ZNF704: variants seen among roughly 807,000 people sequenced by gnomAD.
ZNF704 encodes zinc finger protein 704.
In ZNF704, 10 loss-of-function variants were observed where a neutral mutation model predicts 44.7. The ratio of observed to expected loss-of-function variants is 0.22; its 90% CI spans 0.14 to 0.38. ZNF704 has a LOEUF of 0.38. Ranked by LOEUF, ZNF704 falls within the 10% of genes least tolerant of loss-of-function variation. The probability of loss-of-function intolerance (pLI) is 1.00; values close to 1 mark genes in which losing one functional copy is unlikely to be tolerated. For synonymous variants in ZNF704, 211 were observed against 207.6 expected (o/e 1.02, Z -0.14); for missense variants, 390 against 545.5 (o/e 0.71, Z 2.84).
intron 2 of ZNF704, among the ~76,000 whole-genome samples, chr8:80,816,064 C>T (rs1808172394): frequency 6.6e-6 from 1 of 152,194 alleles, no homozygotes; most frequent in Non-Finnish European, 1.5e-5. Context: ...GTTCTTACAA[C>T]CAAGAAGCCT....
At chr8:80,728,360 T>C (rs7010512) in intron 2 of ZNF704, among the ~76,000 whole-genome samples, 4,904 of 152,276 alleles carry the variant, frequency 0.032, 265 homozygotes, top group African/African-American at 0.11. Context: ...CATGGCAATG[T>C]TTAATAACTC....
chr8:80,698,464 G>A (rs1818759284), intron 2 of ZNF704, among the ~76,000 whole-genome samples: 3 of 152,128 alleles, frequency 2.0e-5, no homozygotes, highest in Admixed American at 2.0e-4. Flanking sequence ...GCAGCCCAGG[G>A]AGGGCCTTCC....
rs1009694418 is a variant in ZNF704, at chr8:80,842,762, A to C, written c.-21-21147T>G. Among the ~76,000 whole-genome samples the C allele has an allele frequency of 2.0e-5, 3 of 152,298 alleles. No homozygotes were observed. In the South Asian group the frequency reaches 6.2e-4, roughly 32 times the overall value. ...ATTATACTTCCTTAGCTCAAACCAC[A>C]CTCAAGAAAGCACAGGAAATCAGAA... On this transcript the variant is annotated intron_variant, in intron 1 of 8. Transcript: ENST00000327835.
intron 4 of ZNF704, among the ~76,000 whole-genome samples, chr8:80,675,938 G>A (rs544547571): frequency 2.6e-4 from 40 of 152,226 alleles, no homozygotes; most frequent in Admixed American, 2.6e-3. Flanking sequence ...GATGATTAGG[G>A]TGCACTGCAG....
At chr8:80,683,962 GATAT>G (rs1818494899) in intron 4 of ZNF704, among the ~76,000 whole-genome samples, 1 of 152,214 alleles carries the variant, frequency 6.6e-6, no homozygotes, top group Non-Finnish European at 1.5e-5. Context: ...TTCATAGTCA[GATAT>G]AGGCAATGCT....
chr8:80,720,751 G>A (rs1282686656), intron 2 of ZNF704, among the ~76,000 whole-genome samples: 1 of 152,086 alleles, frequency 6.6e-6, no homozygotes, highest in Non-Finnish European at 1.5e-5. Context: ...CATCTCAGAG[G>A]GAAAACTCAG....
At chr8:80,687,669 A>G (rs1275302404) in intron 3 of ZNF704, among the ~76,000 whole-genome samples, 1 of 152,156 alleles carries the variant, frequency 6.6e-6, no homozygotes, top group Non-Finnish European at 1.5e-5. Context: ...TTTTAACCTC[A>G]TGATAATAGG....
intron 2 of ZNF704, among the ~76,000 whole-genome samples, chr8:80,819,477 G>A (rs1808229677): frequency 6.6e-6 from 1 of 150,736 alleles, no homozygotes; most frequent in African/African-American, 2.4e-5. Flanking sequence ...ATTTTATGTA[G>A]AATAAGTCCT....
At chr8:80,808,301 C>G (rs1410612363) in intron 2 of ZNF704, among the ~76,000 whole-genome samples, 1 of 152,172 alleles carries the variant, frequency 6.6e-6, no homozygotes. Context: ...AGTTGTAGAT[C>G]TTACTATACT....
intron 8 of ZNF704, among the ~76,000 whole-genome samples, chr8:80,642,800 TAAAACAAAAACA>T (rs1297585823): frequency 6.6e-6 from 1 of 152,074 alleles, no homozygotes. Context: ...ACCTATTCTG[TAAAACAAAAACA>T]AAAACAAAAA....
Position 80,686,295 on chromosome 8 carries a change from A to T in ZNF704, c.558+931T>A, listed in dbSNP as rs543826905. Among the ~76,000 whole-genome samples the T allele has an allele frequency of 4.6e-5, 7 of 152,336 alleles. No homozygotes were observed. In the East Asian group the frequency reaches 7.7e-4, roughly 17 times the overall value. ...ACAAGATGGAAATGCAAAACTTACC[A>T]TATAGGACTGCTGGGAGGATTAAAC... On this transcript the variant is annotated intron_variant, in intron 4 of 8. Transcript: ENST00000327835.
intron 2 of ZNF704, among the ~76,000 whole-genome samples, chr8:80,770,122 A>T (rs565281278): frequency 6.6e-6 from 1 of 152,188 alleles, no homozygotes; most frequent in Admixed American, 6.5e-5. Context: ...TGATTCAATT[A>T]CCTCTCACCA....
chr8:80,731,023 A>G (rs1364657275), intron 2 of ZNF704, among the ~76,000 whole-genome samples: 1 of 152,236 alleles, frequency 6.6e-6, no homozygotes, highest in Non-Finnish European at 1.5e-5. Flanking sequence ...CACCCGTCTA[A>G]GAGATAATGG....
rs1817682121 is a variant in ZNF704, at chr8:80,637,595, A to G, written c.*3771T>C. 1 of 152,234 alleles carries G rather than the reference A, an allele frequency of 6.6e-6. No homozygotes were observed. 9.4% of individuals were successfully genotyped at this position (152,234 alleles called of 1,614,324 possible). On this transcript the variant is annotated 3_prime_UTR_variant, in exon 9 of 9. Transcript: ENST00000327835. ...TTCAGTTTCAAAAATCTTTTGCAAC[A>G]TATACACATGTGACTATCTCTTTGA...
At chr8:80,691,823 T>C (rs540034378) in intron 3 of ZNF704, among the ~76,000 whole-genome samples, 1 of 152,298 alleles carries the variant, frequency 6.6e-6, no homozygotes, top group South Asian at 2.1e-4. Context: ...ACCAAACATT[T>C]GCCAATACAT....
intron 7 of ZNF704, among the ~76,000 whole-genome samples, chr8:80,657,049 C>A (rs1297219139): frequency 6.6e-6 from 1 of 152,068 alleles, no homozygotes; most frequent in Non-Finnish European, 1.5e-5. Context: ...ACTCCTGGAG[C>A]ATTCAGGGAC....
At chr8:80,772,638 C>T (rs779832527) in intron 2 of ZNF704, among the ~76,000 whole-genome samples, 31 of 152,274 alleles carry the variant, frequency 2.0e-4, no homozygotes, top group South Asian at 2.1e-4. Flanking sequence ...TCCCACCACA[C>T]CCCACCTTCA....
At chr8:80,704,429 C>T (rs1482699577) in intron 2 of ZNF704, among the ~76,000 whole-genome samples, 3 of 152,218 alleles carry the variant, frequency 2.0e-5, no homozygotes, top group Non-Finnish European at 1.5e-5. Context: ...TGCTGTACAA[C>T]TCCTAAAATC....
At chr8:80,657,007 C>G (rs1354516931) in intron 7 of ZNF704, among the ~76,000 whole-genome samples, 1 of 152,086 alleles carries the variant, frequency 6.6e-6, no homozygotes, top group Non-Finnish European at 1.5e-5. Flanking sequence ...GGTAAGAATT[C>G]ACGTTTTTAA....
Sources: gnomAD v4.1 joint callset for allele counts (sites outside exome capture counted in the v4.1 genomes callset) on GRCh38, gnomAD v4.1.1 for gene constraint, MANE v1.5 for transcripts, NCBI Gene and HGNC (gene_info 2026-07-23, HGNC 2026-07-21) for gene names.